Variants in TMEM132E observed in about 807,000 individuals in gnomAD.
The protein encoded by TMEM132E is transmembrane protein 132E.
A neutral mutation model predicts 78.5 loss-of-function variants in TMEM132E; 49 were observed. The ratio of observed to expected loss-of-function variants is 0.62; its 90% CI spans 0.50 to 0.79. The LOEUF (loss-of-function observed/expected upper bound fraction) is 0.79, where lower values mean the gene tolerates loss of function less well. TMEM132E is among the 30% of genes least tolerant of loss of function. TMEM132E has a pLI of 0.00. For missense variants in TMEM132E, 1,403 were observed against 1,470.9 expected, an observed-to-expected ratio of 0.95 and a Z score of 0.75; for synonymous variants, 715 against 670.6, an observed-to-expected ratio of 1.07 and a Z score of -1.02.
In TMEM132E at chr17:34,626,889, T is replaced by C. The variant is rs773891429; in HGVS notation, c.830T>C (p.Phe277Ser). 6.2e-7 allele frequency: 1 copy of C among 1,612,358 alleles called. No individual in the cohort carries two copies. The highest frequency in any genetic ancestry group is 8.5e-7 in the Non-Finnish European group (1 of 1,179,884). ...PLLRIGSISLFRPPPRRTLQE... is the reference protein window; with the variant it reads ...PLLRIGSISLSRPPPRRTLQE... ...CTGCGCATCGGGAGCATCAGCCTGTTCCGCCCGCCCCCCAGGAGGACCCTG... is the reference window on the plus strand; with the variant it reads ...CTGCGCATCGGGAGCATCAGCCTGTCCCGCCCGCCCCCCAGGAGGACCCTG... The change falls in exon 2 of 9, where the codon TTC becomes TCC. Residue 277 changes from phenylalanine (F) to serine (S), a missense_variant. By Grantham distance (155) the Phe-to-Ser change is radical. Around this residue, in one of 3 missense-constraint regions of TMEM132E, gnomAD observed 511 missense variants for 499.0 expected, o/e 1.02. Transcript: ENST00000631683.
intron 1 of TMEM132E, among the ~76,000 whole-genome samples, chr17:34,604,531 T>G (rs1906347384): frequency 6.6e-6 from 1 of 152,138 alleles, no homozygotes; most frequent in Non-Finnish European, 1.5e-5. Context: ...TGTTCTCCTG[T>G]GTCATCACCT....
intron 1 of TMEM132E, among the ~76,000 whole-genome samples, chr17:34,619,214 G>C (rs905310603): frequency 6.7e-6 from 1 of 148,252 alleles, no homozygotes; most frequent in Non-Finnish European, 1.5e-5. Context: ...TCATAGATTT[G>C]ACAAAAAGAT....
chr17:34,618,692 T>A (rs1479793765), intron 1 of TMEM132E, among the ~76,000 whole-genome samples: 2 of 152,072 alleles, frequency 1.3e-5, no homozygotes, highest in East Asian at 3.8e-4. Flanking sequence ...GGCAGAGGAG[T>A]GCACCAGTTC....
intron 1 of TMEM132E, among the ~76,000 whole-genome samples, chr17:34,606,420 G>GAAGTCAGA (rs1173361717): frequency 1.3e-5 from 2 of 152,222 alleles, no homozygotes; most frequent in African/African-American, 4.8e-5. Flanking sequence ...GAGTAGTCCA[G>GAAGTCAGA]AAGTCAGAAC....
chr17:34,621,087 A>G (rs977244565), intron 1 of TMEM132E, among the ~76,000 whole-genome samples: 2 of 152,208 alleles, frequency 1.3e-5, no homozygotes, highest in African/African-American at 2.4e-5. Flanking sequence ...GGATGATCCC[A>G]GCCTGTCTTC....
chr17:34,622,893 A>G (rs933580331), intron 1 of TMEM132E, among the ~76,000 whole-genome samples: 1 of 152,188 alleles, frequency 6.6e-6, no homozygotes, highest in Non-Finnish European at 1.5e-5. Flanking sequence ...ATGAAACAGG[A>G]AAAGGGATAG....
Position 34,635,133 on chromosome 17 carries a change from C to T in TMEM132E, c.1977+46C>T, listed in dbSNP as rs139484537. 5,524 of 1,526,624 alleles carry T rather than the reference C, an allele frequency of 3.6e-3. 11 individuals carry two copies. Among genetic ancestry groups the T allele is most frequent in the Non-Finnish European group, 4.5e-3 (5,122 of 1,133,302 alleles). 94.6% of individuals were successfully genotyped at this position (1,526,624 alleles called of 1,614,324 possible). Reference sequence around the variant, plus strand: ...AGCACAAAGGGGCAGTGTCGGGAGCCTTATTTACCTGTGGGTGCAGAACTC... The same window carrying T: ...AGCACAAAGGGGCAGTGTCGGGAGCTTTATTTACCTGTGGGTGCAGAACTC... On this transcript the variant is annotated intron_variant, in intron 7 of 8. Coordinates refer to ENST00000631683, the MANE Select transcript of TMEM132E (RefSeq NM_001304438.2).
intron 1 of TMEM132E, among the ~76,000 whole-genome samples, chr17:34,611,577 G>T (rs1270999439): frequency 6.6e-6 from 1 of 152,194 alleles, no homozygotes; most frequent in Admixed American, 6.5e-5. Context: ...AGGCTTGGAG[G>T]GGTGGTTAGA....
At chr17:34,596,537 C>T (rs1421630018) in intron 1 of TMEM132E, among the ~76,000 whole-genome samples, 1 of 151,998 alleles carries the variant, frequency 6.6e-6, no homozygotes, top group African/African-American at 2.4e-5. Flanking sequence ...TGCAGGTGCC[C>T]CAGTCACAAA....
intron 4 of TMEM132E, 97 bp downstream of exon 4, chr17:34,629,301 T>C (rs959979478): frequency 2.1e-5 from 29 of 1,355,290 alleles, no homozygotes; most frequent in Non-Finnish European, 7.0e-6. Flanking sequence ...TATGTACAAA[T>C]TGACATGTGT....
intron 5 of TMEM132E, among the ~76,000 whole-genome samples, chr17:34,632,072 G>T (rs146612931): frequency 9.2e-5 from 14 of 152,308 alleles, no homozygotes; most frequent in African/African-American, 3.4e-4. Flanking sequence ...TCCATTGGTG[G>T]CAGCCATTCA....
At chr17:34,599,543 G>A (rs572753826) in intron 1 of TMEM132E, among the ~76,000 whole-genome samples, 28 of 152,324 alleles carry the variant, frequency 1.8e-4, no homozygotes, top group African/African-American at 6.3e-4. Context: ...TGTTAATTTC[G>A]TAATGAATTT....
intron 1 of TMEM132E, among the ~76,000 whole-genome samples, chr17:34,602,662 G>T (rs1257215665): frequency 1.3e-5 from 2 of 152,130 alleles, no homozygotes; most frequent in Non-Finnish European, 2.9e-5. Context: ...CATCCCCATG[G>T]AGTCAATCTG....
In TMEM132E at chr17:34,626,789, G is replaced by T. The variant is rs1461065127; in HGVS notation, c.730G>T (p.Gly244Cys). ...GCTCCACGCCCCTGATGCGTCGGGG[G>T]GCTGCGGGGGCTCCCGCCGGGGGGC... ...YTLHAPDASG[G>C]CGGSRRGAGP... Residue 244 changes from glycine (G) to cysteine (C), a missense_variant, in exon 2 of 9, where the codon GGC becomes TGC. Gly to Cys is a radical substitution (Grantham distance 159). Around this residue, in one of 3 missense-constraint regions of TMEM132E, gnomAD observed 511 missense variants for 499.0 expected, o/e 1.02. Transcript: ENST00000631683. 6.7e-7 allele frequency: 1 copy of T among 1,503,144 alleles called. No homozygotes were observed. The highest frequency in any genetic ancestry group is 8.9e-7 in the Non-Finnish European group (1 of 1,125,646). 93.1% of individuals were successfully genotyped at this position (1,503,144 alleles called of 1,614,324 possible). A position where few individuals can be genotyped will look rare whatever the true frequency, so the allele number is the denominator to read the frequency against.
At chr17:34,593,964 T>A (rs1905970036) in intron 1 of TMEM132E, among the ~76,000 whole-genome samples, 1 of 152,208 alleles carries the variant, frequency 6.6e-6, no homozygotes, top group Non-Finnish European at 1.5e-5. Context: ...CCTCAAGGAC[T>A]TGGCTGGCCC....
At chr17:34,589,293 G>A (rs1905779426) in intron 1 of TMEM132E, among the ~76,000 whole-genome samples, 1 of 152,164 alleles carries the variant, frequency 6.6e-6, no homozygotes, top group Non-Finnish European at 1.5e-5. Context: ...GGCCAGCGGG[G>A]CAGAGCACCT....
chr17:34,617,201 A>G (rs1370946578), intron 1 of TMEM132E, among the ~76,000 whole-genome samples: 1 of 152,186 alleles, frequency 6.6e-6, no homozygotes, highest in Non-Finnish European at 1.5e-5. Flanking sequence ...CTCTTCTCCC[A>G]AAGAAAGAAG....
chr17:34,590,028 G>T (rs953774157), intron 1 of TMEM132E, among the ~76,000 whole-genome samples: 48 of 152,238 alleles, frequency 3.2e-4, no homozygotes, highest in African/African-American at 1.1e-3. Context: ...CTGAAATGCT[G>T]TGGGAGGTGG....
chr17:34,610,008 C>A (rs1906534879), intron 1 of TMEM132E, among the ~76,000 whole-genome samples: 1 of 152,130 alleles, frequency 6.6e-6, no homozygotes, highest in African/African-American at 2.4e-5. Context: ...CTGACCCCAC[C>A]CACCCAGGTC....
Sources: gnomAD v4.1 joint callset for allele counts (sites outside exome capture counted in the v4.1 genomes callset) on GRCh38, gnomAD v4.1.1 for gene constraint, gnomAD v4.1.1 regional missense constraint, MANE v1.5 for transcripts, NCBI Gene and HGNC (gene_info 2026-07-23, HGNC 2026-07-21) for gene names.